NECTIN1: variants seen among roughly 807,000 people sequenced by gnomAD.
NECTIN1 encodes the protein nectin cell adhesion molecule 1, also known as nectin-1.
NECTIN1 carries 23 observed loss-of-function variants against 48.0 expected under a neutral mutation model. The ratio of observed to expected loss-of-function variants is 0.48; its 90% CI spans 0.34 to 0.68. NECTIN1 has a LOEUF of 0.68. Ranked by LOEUF, NECTIN1 falls within the 30% of genes least tolerant of loss-of-function variation. NECTIN1 has a pLI of 0.01. For synonymous variants in NECTIN1, 270 were observed against 288.9 expected, an observed-to-expected ratio of 0.93 and a Z score of 0.66; for missense variants, 591 against 709.9, an observed-to-expected ratio of 0.83 and a Z score of 1.90.
downstream of NECTIN1, among the ~76,000 whole-genome samples, chr11:119,659,856 C>T (rs1377403706): frequency 6.6e-6 from 1 of 152,218 alleles, no homozygotes; most frequent in African/African-American, 2.4e-5. Context: ...GCATTTATTG[C>T]CTGCACAAAT....
chr11:119,685,132 T>C (rs1288797588), intron 1 of NECTIN1, among the ~76,000 whole-genome samples: 1 of 152,250 alleles, frequency 6.6e-6, no homozygotes, highest in African/African-American at 2.4e-5. Context: ...TCTCCCCTGC[T>C]GCCTGCAGTG....
intron 6 of NECTIN1, chr11:119,639,707 C>A: frequency 5.4e-6 from 5 of 928,742 alleles, no homozygotes; most frequent in South Asian, 4.5e-5. Context: ...GGAGGGTCAG[C>A]TCTTCCTGCC....
intron 5 of NECTIN1, among the ~76,000 whole-genome samples, chr11:119,648,310 GTGGTGATGGTGA>G (rs1565376560): frequency 1.7e-4 from 1 of 5,944 alleles, no homozygotes; most frequent in East Asian, 5.0e-3. Flanking sequence ...GGTGGTGATG[GTGGTGATGGTGA>G]TGGTGGTGAT....
At chr11:119,701,710 A>G (rs775273909) in intron 1 of NECTIN1, among the ~76,000 whole-genome samples, 2 of 152,166 alleles carry the variant, frequency 1.3e-5, no homozygotes, top group Non-Finnish European at 2.9e-5. Context: ...ATTAATAAAG[A>G]AAGCCTAATT....
At chr11:119,689,380 C>T (rs1865213900) in intron 1 of NECTIN1, among the ~76,000 whole-genome samples, 1 of 152,186 alleles carries the variant, frequency 6.6e-6, no homozygotes, top group African/African-American at 2.4e-5. Context: ...CAGCATCAGC[C>T]CTTGAGCCCG....
Position 119,677,491 on chromosome 11 carries a change from AGGAGGAG to A in NECTIN1, c.733+57_733+63del. The A allele has an allele frequency of 1.3e-6, 2 of 1,537,060 alleles. No homozygotes were observed. The highest frequency in any genetic ancestry group is 1.1e-5 in the South Asian group (1 of 89,394). ...GAAAGAGAAAGGGAGGAGAAAGGAGAGGAGGAGGGAGGAGGGACAGTGGCGCCCACCC... is the reference window on the plus strand; with the variant it reads ...GAAAGAGAAAGGGAGGAGAAAGGAGAGGAGGAGGGACAGTGGCGCCCACCC... On this transcript the variant is annotated intron_variant, in intron 3 of 5. Transcript: ENST00000264025. This position sits in a 1 kb window ranked among gnomAD's most constrained non-coding sequence, Gnocchi z 5.4.
rs957359443 is a variant in NECTIN1, at chr11:119,684,417, T to C, written c.80-5652A>G. Among the ~76,000 whole-genome samples the C allele has an allele frequency of 6.6e-6, 1 of 152,122 alleles. No individual in the cohort carries two copies. The highest frequency in any genetic ancestry group is 1.5e-5 in the Non-Finnish European group (1 of 68,010). On this transcript the variant is annotated intron_variant, in intron 1 of 5. Transcript: ENST00000264025. The surrounding 1 kb of genome is among the most constrained non-coding windows in gnomAD (Gnocchi z 5.2). Reference sequence around the variant, plus strand: ...TCTGTGTGCACGTGTGTGTCTGAGGTGGGTGCTGGGCTCCGCCATAAGGGC... The same window carrying C: ...TCTGTGTGCACGTGTGTGTCTGAGGCGGGTGCTGGGCTCCGCCATAAGGGC...
In NECTIN1 at chr11:119,692,119, C is replaced by T. The variant is rs905792636; in HGVS notation, c.80-13354G>A. Among the ~76,000 whole-genome samples the T allele has an allele frequency of 5.9e-5, 9 of 152,164 alleles. No individual in the cohort carries two copies. The East Asian group carries it at 1.2e-3, about 20-fold the overall frequency. ...GGGGTCTTTCCCATGCTTCCCCGCC[C>T]GACCATCCCTCTGCCCAACACGAAT... On this transcript the variant is annotated intron_variant, in intron 1 of 5. Transcript: ENST00000264025.
In NECTIN1 at chr11:119,664,305, C is replaced by T; in HGVS notation, c.*442G>A. On this transcript the variant is annotated 3_prime_UTR_variant, in exon 6 of 6. Transcript: ENST00000264025. ...CTCTAGCCGGGAGGAGGAGCAGCAT[C>T]TGGGGGTGTGGGGAGCTTTTCCCTC... is the stretch of plus-strand genomic sequence containing the variant. 2 of 1,003,176 alleles carry T rather than the reference C, an allele frequency of 2.0e-6. No homozygotes were observed. The highest frequency in any genetic ancestry group is 2.4e-6 in the Non-Finnish European group (2 of 840,422). The allele number at this position is 1,003,176 out of a possible 1,614,324, so 62.1% of individuals were successfully genotyped here.
chr11:119,679,024 C>A (rs1865013910), intron 1 of NECTIN1, among the ~76,000 whole-genome samples: 2 of 152,206 alleles, frequency 1.3e-5, no homozygotes, highest in Admixed American at 6.5e-5. Context: ...CTGTGTATAT[C>A]CACATAACCA....
Position 119,675,417 on chromosome 11 carries a change from G to C in NECTIN1, c.852-107C>G, listed in dbSNP as rs570144422. The C allele has an allele frequency of 5.2e-5, 56 of 1,081,272 alleles. No homozygotes were observed. The East Asian group carries it at 1.2e-3, about 23-fold the overall frequency. The allele number at this position is 1,081,272 out of a possible 1,614,324, so 67.0% of individuals were successfully genotyped here. ...GGCCCCCTAGCCTTTTGCTGAGCTT[G>C]TGTGGTAGAGTCTGTCTTTGAAGGA... On this transcript the variant is annotated intron_variant, in intron 4 of 5. Transcript: ENST00000264025.
chr11:119,645,012 C>T (rs1278394865), intron 5 of NECTIN1, among the ~76,000 whole-genome samples: 2 of 152,192 alleles, frequency 1.3e-5, no homozygotes, highest in Non-Finnish European at 2.9e-5. Context: ...GGAGTCACCT[C>T]CTCCAGAGCT....
At chr11:119,707,825 T>C (rs964065316) in intron 1 of NECTIN1, among the ~76,000 whole-genome samples, 2 of 152,202 alleles carry the variant, frequency 1.3e-5, no homozygotes, top group South Asian at 4.1e-4. Context: ...GGGCTATCCA[T>C]CACCTCGACA....
At chr11:119,646,973 C>T (rs1864403541) in intron 5 of NECTIN1, among the ~76,000 whole-genome samples, 1 of 152,154 alleles carries the variant, frequency 6.6e-6, no homozygotes, top group Non-Finnish European at 1.5e-5. Flanking sequence ...CAGGGACATG[C>T]CTGCTCCTGT....
chr11:119,672,474 C>T lies in NECTIN1; in HGVS notation c.1003+2685G>A, dbSNP rs937044205. On this transcript the variant is annotated intron_variant, in intron 5 of 5. Coordinates refer to ENST00000264025, the MANE Select transcript of NECTIN1 (RefSeq NM_002855.5). This position sits in a 1 kb window ranked among gnomAD's most constrained non-coding sequence, Gnocchi z 4.3. ...AGGGGTTCTCTGGGGCCTGTGCCCA[C>T]GGAAGCACACACAGATTCTGTCCGG... is the stretch of plus-strand genomic sequence containing the variant. Among the ~76,000 whole-genome samples, 12 of 152,312 alleles carry T rather than the reference C, an allele frequency of 7.9e-5. No homozygotes were observed. Among genetic ancestry groups the T allele is most frequent in the African/African-American group, 1.7e-4 (7 of 41,560 alleles).
intron 1 of NECTIN1, among the ~76,000 whole-genome samples, chr11:119,698,384 T>A (rs1034709288): frequency 7.9e-5 from 12 of 152,242 alleles, no homozygotes. Flanking sequence ...GCATATGAGA[T>A]TCTACCATTT....
At chr11:119,696,141 G>T (rs898251986) in intron 1 of NECTIN1, among the ~76,000 whole-genome samples, 2 of 152,126 alleles carry the variant, frequency 1.3e-5, no homozygotes, top group African/African-American at 4.8e-5. Flanking sequence ...TAGAGTTGGG[G>T]GTCTTGCCTA....
Position 119,662,073 on chromosome 11 carries a change from G to A in NECTIN1, c.*2674C>T, listed in dbSNP as rs527751049. 3 of 985,512 alleles carry A rather than the reference G, an allele frequency of 3.0e-6. No homozygotes were observed. In the African/African-American group the frequency reaches 5.2e-5, roughly 17 times the overall value. 61.0% of individuals were successfully genotyped at this position (985,512 alleles called of 1,614,324 possible). On this transcript the variant is annotated 3_prime_UTR_variant, in exon 6 of 6. Coordinates refer to ENST00000264025, the MANE Select transcript of NECTIN1 (RefSeq NM_002855.5). This position sits in a 1 kb window ranked among gnomAD's most constrained non-coding sequence, Gnocchi z 5.3. ...GGCATGGGTGTGGGGTGGGGGGCAA[G>A]GACAGGGAGGGCAACAAGAGGCAGG...
At chr11:119,715,190 G>C (rs1865725197) in intron 1 of NECTIN1, among the ~76,000 whole-genome samples, 1 of 152,124 alleles carries the variant, frequency 6.6e-6, no homozygotes, top group Admixed American at 6.5e-5. Context: ...TGAATGGGGT[G>C]CTACAGCATT....
Sources: allele counts gnomAD v4.1 joint callset (sites outside exome capture counted in the v4.1 genomes callset), GRCh38; gene constraint gnomAD v4.1.1; non-coding constraint Gnocchi (gnomAD v3.1); transcripts MANE v1.5; gene names NCBI Gene and HGNC (gene_info 2026-07-23, HGNC 2026-07-21).